Variants in ADGRA3 observed in about 807,000 individuals in gnomAD.
ADGRA3 encodes the protein adhesion G protein-coupled receptor A3, also known as G-protein coupled receptor 125.
Under a neutral mutation model 119.8 loss-of-function variants are expected in ADGRA3, and 56 were observed. The ratio of observed to expected loss-of-function variants is 0.47; its 90% CI spans 0.38 to 0.58. The LOEUF is 0.58. Among genes scored for constraint, ADGRA3 ranks in the 20% least tolerant of loss-of-function variants. The pLI, the probability that ADGRA3 is intolerant of heterozygous loss-of-function variation, is 0.00. For missense variants in ADGRA3, 1,516 were observed against 1,649.0 expected (o/e 0.92, Z 1.40); for synonymous variants, 607 against 623.8 (o/e 0.97, Z 0.40).
intron 10 of ADGRA3, among the ~76,000 whole-genome samples, chr4:22,425,210 A>G (rs1715882544): frequency 6.6e-6 from 1 of 152,028 alleles, no homozygotes; most frequent in Non-Finnish European, 1.5e-5. Context: ...ATCCCCTTGC[A>G]CACGTGGTTT....
chr4:22,474,474 C>T (rs996339960), intron 1 of ADGRA3, among the ~76,000 whole-genome samples: 2 of 152,132 alleles, frequency 1.3e-5, no homozygotes, highest in Non-Finnish European at 2.9e-5. Flanking sequence ...GTCATAGTTG[C>T]GCCTATCCCA....
intron 1 of ADGRA3, among the ~76,000 whole-genome samples, chr4:22,513,715 T>C (rs1256483584): frequency 2.6e-5 from 4 of 151,248 alleles, no homozygotes; most frequent in Admixed American, 6.6e-5. Context: ...TTTCGTCAAG[T>C]TGGCCAGGCT....
chr4:22,438,421 C>A lies in ADGRA3; in HGVS notation c.921-1G>T. The A allele has an allele frequency of 6.2e-7, 1 of 1,610,330 alleles. No individual in the cohort carries two copies. The highest frequency in any genetic ancestry group is 8.5e-7 in the Non-Finnish European group (1 of 1,178,464). ...CTGAATATTAGAAATGGTTAGGGCACTGCATAAAGAAAGATTTTAAAAAGA... is the reference window on the plus strand; with the variant it reads ...CTGAATATTAGAAATGGTTAGGGCAATGCATAAAGAAAGATTTTAAAAAGA... On this transcript the variant is annotated splice_acceptor_variant, in intron 7 of 18. Coordinates refer to ENST00000334304, the MANE Select transcript of ADGRA3 (RefSeq NM_145290.4). LOFTEE classifies it high-confidence loss of function.
chr4:22,390,370 ATATATATATAATAC>A (rs2108992122), intron 17 of ADGRA3, among the ~76,000 whole-genome samples: 1 of 12,440 alleles, frequency 8.0e-5, no homozygotes, highest in South Asian at 1.4e-3. Context: ...AATACGTATT[ATATATATATAATAC>A]GTATTATATA....
intron 12 of ADGRA3, among the ~76,000 whole-genome samples, chr4:22,417,089 AACAG>A (rs754301221): frequency 3.0e-4 from 45 of 152,318 alleles, no homozygotes; most frequent in Middle Eastern, 3.4e-3. Flanking sequence ...CTTGACTTTA[AACAG>A]ACAGATGCTA....
chr4:22,413,877 T>A (rs1416819907), intron 12 of ADGRA3, 63 bp from the exon 13 acceptor site: 1 of 1,072,362 alleles, frequency 9.3e-7, no homozygotes, highest in African/African-American at 1.6e-5. Context: ...CAGAAAAAAA[T>A]ATGTCAGATA....
At chr4:22,417,941 CTGA>C (rs1245073553) in intron 12 of ADGRA3, among the ~76,000 whole-genome samples, 2 of 152,134 alleles carry the variant, frequency 1.3e-5, no homozygotes, top group Non-Finnish European at 2.9e-5. Flanking sequence ...TAAAGAAAAA[CTGA>C]TTTCTAAATT....
chr4:22,401,603 A>G, intron 15 of ADGRA3, 49 bp from the exon 16 acceptor site: 1 of 1,408,290 alleles, frequency 7.1e-7, no homozygotes, highest in Non-Finnish European at 9.8e-7. Flanking sequence ...GTACATAAGG[A>G]GAAAACTATG....
In ADGRA3 at chr4:22,473,758, T is replaced by G; in HGVS notation, c.329+14A>C. 1.3e-6 allele frequency: 2 copies of G among 1,492,434 alleles called. No homozygotes were observed. Among genetic ancestry groups the G allele is most frequent in the Non-Finnish European group, 1.8e-6 (2 of 1,082,864 alleles). 92.4% of individuals were successfully genotyped at this position (1,492,434 alleles called of 1,614,324 possible). On this transcript the variant is annotated intron_variant, in intron 2 of 18. Transcript: ENST00000334304. ...AACAAAATAATAATGAGATGATAAT[T>G]AAAGAATACTCACAATCTTTCAAGG...
At chr4:22,461,632 C>G (rs1717459463) in intron 3 of ADGRA3, 105 bp downstream of exon 3, 1 of 799,534 alleles carries the variant, frequency 1.3e-6, no homozygotes, top group Admixed American at 2.4e-5. Flanking sequence ...CCAGGTAAAG[C>G]TCAAAAAATT....
intron 1 of ADGRA3, among the ~76,000 whole-genome samples, chr4:22,475,383 T>C (rs930807423): frequency 6.6e-6 from 1 of 152,126 alleles, no homozygotes; most frequent in Non-Finnish European, 1.5e-5. Flanking sequence ...AAACCAAACA[T>C]GGTATGTTAT....
At chr4:22,477,939 T>G (rs181386990) in intron 1 of ADGRA3, among the ~76,000 whole-genome samples, 1 of 152,354 alleles carries the variant, frequency 6.6e-6, no homozygotes, top group Admixed American at 6.5e-5. Flanking sequence ...TATCATGTAT[T>G]ATTATAAACC....
Position 22,438,106 on chromosome 4 carries a change from G to T in ADGRA3, c.1085+150C>A, listed in dbSNP as rs1410332769. Reference sequence around the variant, plus strand: ...ACCCCTTTTGTTCATCTCCATATGTGATTCTGAAATCATTATTCTAAAGGG... The same window carrying T: ...ACCCCTTTTGTTCATCTCCATATGTTATTCTGAAATCATTATTCTAAAGGG... On this transcript the variant is annotated intron_variant, in intron 8 of 18. Coordinates refer to ENST00000334304, the MANE Select transcript of ADGRA3 (RefSeq NM_145290.4). 1.2e-5 allele frequency: 7 copies of T among 565,280 alleles called. No individual in the cohort carries two copies. The East Asian group carries it at 1.9e-4, about 15-fold the overall frequency. 35.0% of individuals were successfully genotyped at this position (565,280 alleles called of 1,614,324 possible). A position where few individuals can be genotyped will look rare whatever the true frequency, so the allele number is the denominator to read the frequency against.
chr4:22,420,234 T>C (rs1268884620), intron 12 of ADGRA3: 1 of 152,134 alleles, frequency 6.6e-6, no homozygotes, highest in Non-Finnish European at 1.5e-5. Context: ...GAAAGCTAAG[T>C]GAAAAAAATG....
rs144894009 is a variant in ADGRA3, at chr4:22,494,254, C to A, written c.258-20411G>T. On this transcript the variant is annotated intron_variant, in intron 1 of 18. Transcript: ENST00000334304. ...ACCTTTGGTAGTCCTCAATGCTACA[C>A]TCCCACCAGCGCCATGACAGTTTAC... Among the ~76,000 whole-genome samples, 8 of 151,718 alleles carry A rather than the reference C, an allele frequency of 5.3e-5. No individual in the cohort carries two copies. In the South Asian group the frequency reaches 1.7e-3, roughly 32 times the overall value.
At position 22,447,520 on chromosome 4, in the gene ADGRA3, C is replaced by T. The variant is rs1198926161; in HGVS notation, c.474-9G>A. On this transcript the variant is annotated splice_polypyrimidine_tract_variant and intron_variant, in intron 4 of 18. Transcript: ENST00000334304. ...AATTCCCCGAAAGGTTTCTGAAAGA[C>T]AGAAAACAATTTCACTTTTAAAAAT... 6.7e-7 allele frequency: 1 copy of T among 1,500,368 alleles called. No homozygotes were observed. 92.9% of individuals were successfully genotyped at this position (1,500,368 alleles called of 1,614,324 possible). A position where few individuals can be genotyped will look rare whatever the true frequency, so the allele number is the denominator to read the frequency against.
intron 17 of ADGRA3, among the ~76,000 whole-genome samples, chr4:22,389,608 A>G (rs563494715): frequency 5.8e-4 from 88 of 152,030 alleles, no homozygotes; most frequent in Non-Finnish European, 5.7e-4. Flanking sequence ...ATTACTGACT[A>G]ATGTTCAGCT....
intron 1 of ADGRA3, among the ~76,000 whole-genome samples, chr4:22,513,925 A>G (rs147799938): frequency 1.3e-5 from 2 of 151,734 alleles, no homozygotes; most frequent in African/African-American, 4.9e-5. Context: ...CAGTTTCTAA[A>G]AATTGTAGAA....
At chr4:22,396,802 C>T (rs1714374635) in intron 16 of ADGRA3, among the ~76,000 whole-genome samples, 1 of 152,046 alleles carries the variant, frequency 6.6e-6, no homozygotes. Flanking sequence ...GGCATTTGTT[C>T]TTGAAGCCCT....
Sources: allele counts gnomAD v4.1 joint callset (sites outside exome capture counted in the v4.1 genomes callset), GRCh38; gene constraint gnomAD v4.1.1; transcripts MANE v1.5; gene names NCBI Gene and HGNC (gene_info 2026-07-23, HGNC 2026-07-21).